Variants in RC3H2 observed in about 807,000 individuals in gnomAD.
RC3H2 encodes ring finger and CCCH-type domains 2, also known as roquin-2.
RC3H2 carries 31 observed loss-of-function variants against 133.3 expected under a neutral mutation model. The ratio of observed to expected loss-of-function variants is 0.23; its 90% CI spans 0.17 to 0.31. The LOEUF (loss-of-function observed/expected upper bound fraction) is 0.31. Among genes scored for constraint, RC3H2 ranks in the 10% least tolerant of loss-of-function variants. RC3H2 has a pLI of 1.00. For synonymous variants in RC3H2, 517 were observed against 502.2 expected (o/e 1.03, Z -0.40); for missense variants, 1,175 against 1,437.2 (o/e 0.82, Z 2.95).
intron 4 of RC3H2, among the ~76,000 whole-genome samples, chr9:122,883,757 C>T (rs1175745135): frequency 3.3e-5 from 5 of 151,904 alleles, no homozygotes; most frequent in African/African-American, 1.2e-4. Context: ...CGAGGCAGGA[C>T]GACTGTTTGA....
intron 9 of RC3H2, among the ~76,000 whole-genome samples, chr9:122,870,411 AAC>A (rs1491134326): frequency 1.4e-3 from 73 of 53,644 alleles, no homozygotes; most frequent in African/African-American, 4.3e-3. Flanking sequence ...CAAACAAACA[AAC>A]AAAAAAAAAA....
At chr9:122,891,159 A>C (rs1832152061) in intron 3 of RC3H2, among the ~76,000 whole-genome samples, 1 of 151,694 alleles carries the variant, frequency 6.6e-6, no homozygotes, top group Non-Finnish European at 1.5e-5. Context: ...AGCTGGGATT[A>C]CAGGTGAGTG....
Position 122,883,126 on chromosome 9 carries a change from C to A in RC3H2, c.759+78G>T. ...TAAGCATTCTGCATTGCTAGGGCCT[C>A]TAGACTGGGTAACATGAATTTCAGG... On this transcript the variant is annotated intron_variant, in intron 5 of 20. Transcript: ENST00000357244. 5.7e-6 allele frequency: 8 copies of A among 1,393,328 alleles called. No homozygotes were observed. In the South Asian group the frequency reaches 1.0e-4, roughly 18 times the overall value. 86.3% of individuals were successfully genotyped at this position (1,393,328 alleles called of 1,614,324 possible). A position where few individuals can be genotyped will look rare whatever the true frequency, so the allele number is the denominator to read the frequency against.
chr9:122,860,755 TAA>T (rs879691394), intron 10 of RC3H2, among the ~76,000 whole-genome samples: 4 of 141,100 alleles, frequency 2.8e-5, no homozygotes, highest in Admixed American at 7.1e-5. Context: ...TACTGAAGGT[TAA>T]AAAAAAAAAA....
intron 5 of RC3H2, among the ~76,000 whole-genome samples, chr9:122,882,535 A>G (rs1269240307): frequency 6.6e-6 from 1 of 152,230 alleles, no homozygotes; most frequent in Non-Finnish European, 1.5e-5. Flanking sequence ...TTCCAAGTAC[A>G]TGAGCCTTTC....
intron 4 of RC3H2, among the ~76,000 whole-genome samples, chr9:122,883,895 G>C (rs796822634): frequency 1.3e-5 from 2 of 152,294 alleles, no homozygotes; most frequent in African/African-American, 4.8e-5. Flanking sequence ...TTTGGAGGCG[G>C]AAGTGGAGGA....
chr9:122,851,910 G>A (rs575240402), intron 18 of RC3H2, among the ~76,000 whole-genome samples: 2,810 of 152,196 alleles, frequency 0.018, 36 homozygotes, highest in Middle Eastern at 0.034. Context: ...GCCTCTGCCC[G>A]GCCGCCACCC....
chr9:122,858,986 C>T lies in RC3H2; in HGVS notation c.1966G>A (p.Asp656Asn), dbSNP rs775499402. ...CGAGGGGAAAATGTACTGTAATGAT[C>T]GGCATATGGCATGGAAGCAGGTGGG... ...SLPPASMPYADHYSTFSPRDR... is the reference protein window; with the variant it reads ...SLPPASMPYANHYSTFSPRDR... The change falls in exon 12 of 21, where the codon GAT becomes AAT. Residue 656 changes from aspartate to asparagine, a missense_variant. Around this residue, in one of 8 missense-constraint regions of RC3H2, gnomAD observed 490 missense variants for 492.8 expected, o/e 0.99. Coordinates refer to ENST00000357244, the MANE Select transcript of RC3H2 (RefSeq NM_001100588.3). The T allele has an allele frequency of 2.7e-5, 44 of 1,613,842 alleles. No homozygotes were observed. Among genetic ancestry groups the T allele is most frequent in the African/African-American group, 6.7e-5 (5 of 74,882 alleles).
intron 18 of RC3H2, 60 bp from the exon 19 acceptor site, chr9:122,851,496 T>C (rs1830016417): frequency 6.4e-7 from 1 of 1,573,634 alleles, no homozygotes; most frequent in Non-Finnish European, 8.6e-7. Flanking sequence ...GGTCTCCCTC[T>C]CCCCATGGTC....
chr9:122,870,253 T>C (rs1003991653), intron 9 of RC3H2, among the ~76,000 whole-genome samples: 13 of 151,986 alleles, frequency 8.6e-5, no homozygotes, highest in African/African-American at 3.1e-4. Context: ...GACATGCCTG[T>C]AATCCCAGCT....
intron 18 of RC3H2, among the ~76,000 whole-genome samples, chr9:122,852,068 C>A (rs1830046469): frequency 6.6e-6 from 1 of 151,874 alleles, no homozygotes; most frequent in East Asian, 2.0e-4. Context: ...CTCTTCCCGG[C>A]CGCCATCACA....
In RC3H2 at chr9:122,854,001, T is replaced by G; in HGVS notation, c.3068A>C (p.His1023Pro). The G allele has an allele frequency of 6.2e-7, 1 of 1,614,226 alleles. No homozygotes were observed. Among genetic ancestry groups the G allele is most frequent in the Non-Finnish European group, 8.5e-7 (1 of 1,180,032 alleles). Residue 1023 changes from histidine (H) to proline (P), a missense_variant, in exon 18 of 21, where the codon CAC becomes CCC. Physicochemically the swap from His to Pro is moderately conservative, Grantham distance 77. This residue lies in a region of RC3H2 where 220 missense variants were observed against 201.1 expected (regional missense o/e 1.09). Coordinates refer to ENST00000357244, the MANE Select transcript of RC3H2 (RefSeq NM_001100588.3). ...QKWNSLDEGR[H>P]LTLNLLSKEI... The stretch of plus-strand genomic sequence containing the variant: ...CTTGCTTAAAAGGTTTAAGGTAAGG[T>G]GACGGCCTTCATCCAGGGAATTCCA...
At position 122,847,006 on chromosome 9, in the gene RC3H2, T is replaced by A. The variant is rs1207100810; in HGVS notation, c.*2621A>T. The A allele has an allele frequency of 6.6e-6, 1 of 152,064 alleles. No homozygotes were observed. The highest frequency in any genetic ancestry group is 1.5e-5 in the Non-Finnish European group (1 of 67,974). The allele number at this position is 152,064 out of a possible 1,614,324, so 9.4% of individuals were successfully genotyped here. On this transcript the variant is annotated 3_prime_UTR_variant, in exon 21 of 21. Transcript: ENST00000357244. ...AGAATAATCTCAACACAGAAACAAT[T>A]CCTATGTTGTTAGTGAAAAAGAGAG... is the stretch of plus-strand genomic sequence containing the variant.
intron 4 of RC3H2, among the ~76,000 whole-genome samples, chr9:122,884,835 T>C (rs115882382): frequency 1.8e-3 from 262 of 145,628 alleles, no homozygotes; most frequent in African/African-American, 5.8e-3. Context: ...CCTGGCGACA[T>C]AGCGAAAGTC....
intron 4 of RC3H2, among the ~76,000 whole-genome samples, chr9:122,888,963 C>A (rs1223047040): frequency 6.6e-6 from 1 of 152,168 alleles, no homozygotes; most frequent in Non-Finnish European, 1.5e-5. Flanking sequence ...TACCTCACAC[C>A]CTTGCCAACA....
chr9:122,868,166 G>A (rs1490151337), intron 9 of RC3H2, among the ~76,000 whole-genome samples: 4 of 151,238 alleles, frequency 2.6e-5, no homozygotes, highest in Non-Finnish European at 5.9e-5. Context: ...GGGATGTGAG[G>A]GGCGCCTCTG....
At chr9:122,903,088 G>T (rs1258821797) in intron 1 of RC3H2, among the ~76,000 whole-genome samples, 1 of 150,706 alleles carries the variant, frequency 6.6e-6, no homozygotes, top group African/African-American at 2.4e-5. Context: ...GCTAGTACTG[G>T]ACAGTGCAAC....
chr9:122,905,117 G>A lies in RC3H2; in HGVS notation c.-75C>T. ...TGCCCGCCCCCGCCCTACCTGAGGG[G>A]GCCCGGGCGGGGTCGCTAAGGGCCG... On this transcript the variant is annotated 5_prime_UTR_variant, in exon 1 of 21. Coordinates refer to ENST00000357244, the MANE Select transcript of RC3H2 (RefSeq NM_001100588.3). 1 of 985,418 alleles carries A rather than the reference G, an allele frequency of 1.0e-6. No homozygotes were observed. The highest frequency in any genetic ancestry group is 1.2e-6 in the Non-Finnish European group (1 of 829,926). The allele number at this position is 985,418 out of a possible 1,614,324, so 61.0% of individuals were successfully genotyped here.
At chr9:122,852,540 T>G (rs1588050044) in intron 18 of RC3H2, among the ~76,000 whole-genome samples, 2 of 123,310 alleles carry the variant, frequency 1.6e-5, no homozygotes, top group African/African-American at 3.2e-5. Flanking sequence ...GGTGGGGGGG[T>G]CAGCCCCCCG....
Sources: gnomAD v4.1 joint callset for allele counts (sites outside exome capture counted in the v4.1 genomes callset) on GRCh38, gnomAD v4.1.1 for gene constraint, gnomAD v4.1.1 regional missense constraint, MANE v1.5 for transcripts, NCBI Gene and HGNC (gene_info 2026-07-23, HGNC 2026-07-21) for gene names.